The following ESRRG variants were observed in gnomAD, a reference collection of about 807,000 sequenced individuals.
The protein encoded by ESRRG is estrogen-related receptor gamma.
Under a neutral mutation model 44.0 loss-of-function variants are expected in ESRRG, and 13 were observed. That is an observed-to-expected ratio of 0.30 (90% CI 0.19 to 0.47). The LOEUF (loss-of-function observed/expected upper bound fraction) is 0.47, where lower values mean the gene tolerates loss of function less well. ESRRG is among the 20% of genes least tolerant of loss of function. ESRRG has a pLI of 1.00. For synonymous variants in ESRRG, 215 were observed against 214.6 expected, an observed-to-expected ratio of 1.00 and a Z score of -0.02; for missense variants, 395 against 580.6, an observed-to-expected ratio of 0.68 and a Z score of 3.29.
At chr1:216,717,558 G>A (rs1277833525) in intron 1 of ESRRG, among the ~76,000 whole-genome samples, 1 of 151,704 alleles carries the variant, frequency 6.6e-6, no homozygotes, top group Non-Finnish European at 1.5e-5. Context: ...TTGTTAAAAT[G>A]TTATGCAAAT....
At chr1:216,530,253 T>C (rs2048954466) in intron 5 of ESRRG, among the ~76,000 whole-genome samples, 2 of 147,404 alleles carry the variant, frequency 1.4e-5, no homozygotes, top group African/African-American at 5.0e-5. Flanking sequence ...ACTGAATAAA[T>C]TGAAATAAGC....
At chr1:216,581,001 G>A (rs752895430) in intron 3 of ESRRG, among the ~76,000 whole-genome samples, 10 of 152,182 alleles carry the variant, frequency 6.6e-5, no homozygotes, top group Admixed American at 6.5e-4. Flanking sequence ...AAAGATCAAT[G>A]TCTGTTGCAC....
intron 1 of ESRRG, among the ~76,000 whole-genome samples, chr1:217,132,701 A>G (rs2092982181): frequency 6.6e-6 from 1 of 152,032 alleles, no homozygotes; most frequent in East Asian, 1.9e-4. Context: ...TTCCACGTGC[A>G]TGGACACTCT....
chr1:216,778,044 A>T (rs2093677874), intron 2 of ESRRG, among the ~76,000 whole-genome samples: 1 of 152,198 alleles, frequency 6.6e-6, no homozygotes, highest in South Asian at 2.1e-4. Context: ...GAGTCATTTG[A>T]GTTATCTGGT....
chr1:216,849,453 A>G (rs2095808298), intron 2 of ESRRG, among the ~76,000 whole-genome samples: 1 of 152,176 alleles, frequency 6.6e-6, no homozygotes, highest in Non-Finnish European at 1.5e-5. Context: ...TATGCATTCA[A>G]AAACTATGTA....
At chr1:216,923,612 C>T (rs556210505) in intron 2 of ESRRG, among the ~76,000 whole-genome samples, 1 of 130,850 alleles carries the variant, frequency 7.6e-6, no homozygotes, top group African/African-American at 2.6e-5. Flanking sequence ...AGCAGAGGAT[C>T]AAGATCTTAT....
chr1:216,777,924 T>C (rs1007584709), intron 2 of ESRRG, among the ~76,000 whole-genome samples: 1 of 152,142 alleles, frequency 6.6e-6, no homozygotes, highest in African/African-American at 2.4e-5. Flanking sequence ...CCAGGCTTGC[T>C]ATCAACAGTC....
Position 216,748,728 on chromosome 1 carries a change from C to T in ESRRG, c.-13-71237G>A, listed in dbSNP as rs369137565. Among the ~76,000 whole-genome samples the T allele has an allele frequency of 6.6e-5, 10 of 152,264 alleles. No individual in the cohort carries two copies. The East Asian group carries it at 9.7e-4, about 15-fold the overall frequency. On this transcript the variant is annotated intron_variant, in intron 2 of 7. Transcript: ENST00000359162. ...ATCTGGAAGGATGTTGTCAGGCCAG[C>T]CAACTTTTTCAAACTCACTTAAATC...
intron 3 of ESRRG, among the ~76,000 whole-genome samples, chr1:216,611,759 A>AT (rs1311494490): frequency 3.6e-5 from 5 of 137,442 alleles, no homozygotes; most frequent in Admixed American, 3.6e-4. Context: ...AGAGGTATGT[A>AT]AAAAAAAAAA....
chr1:217,101,012 C>A (rs527660329), intron 1 of ESRRG, among the ~76,000 whole-genome samples: 83 of 152,294 alleles, frequency 5.4e-4, no homozygotes, highest in Non-Finnish European at 9.0e-4. Context: ...TCTTTGGAAC[C>A]CTTACCATTT....
intron 1 of ESRRG, among the ~76,000 whole-genome samples, chr1:216,950,125 G>C (rs899004594): frequency 6.6e-6 from 1 of 152,160 alleles, no homozygotes; most frequent in Non-Finnish European, 1.5e-5. Context: ...TACTTCTTTT[G>C]AGTTACTTCA....
chr1:216,617,791 G>A (rs1443797182), intron 3 of ESRRG, among the ~76,000 whole-genome samples: 3 of 152,078 alleles, frequency 2.0e-5, no homozygotes, highest in African/African-American at 7.2e-5. Context: ...AGAATAAAAT[G>A]TTTTTTAACA....
intron 5 of ESRRG, among the ~76,000 whole-genome samples, chr1:216,555,157 A>G (rs2057262723): frequency 6.6e-6 from 1 of 152,208 alleles, no homozygotes; most frequent in Non-Finnish European, 1.5e-5. Context: ...TGACTCAGTC[A>G]CATAAAAGAA....
intron 1 of ESRRG, among the ~76,000 whole-genome samples, chr1:217,019,987 G>A (rs539454975): frequency 1.7e-3 from 256 of 152,152 alleles, no homozygotes; most frequent in African/African-American, 5.6e-3. Flanking sequence ...TCAGGTACCC[G>A]GATAAAATGA....
chr1:216,691,907 C>A (rs1442579326), intron 1 of ESRRG, among the ~76,000 whole-genome samples: 1 of 152,120 alleles, frequency 6.6e-6, no homozygotes, highest in South Asian at 2.1e-4. Context: ...CACTTAGTGA[C>A]GTCACAGTGA....
At chr1:216,801,042 G>T (rs2094599791) in intron 2 of ESRRG, among the ~76,000 whole-genome samples, 1 of 152,044 alleles carries the variant, frequency 6.6e-6, no homozygotes, top group South Asian at 2.1e-4. Context: ...TACATATAGT[G>T]AAATGGTTAC....
At chr1:217,034,502 T>C (rs1037932922) in intron 1 of ESRRG, among the ~76,000 whole-genome samples, 14 of 152,290 alleles carry the variant, frequency 9.2e-5, no homozygotes, top group South Asian at 2.1e-4. Context: ...CAATTCAGTG[T>C]AGTTCTGAGA....
chr1:217,023,977 T>C (rs1297613104), intron 1 of ESRRG, among the ~76,000 whole-genome samples: 1 of 152,232 alleles, frequency 6.6e-6, no homozygotes, highest in East Asian at 1.9e-4. Flanking sequence ...AAATTCAAGA[T>C]ATCGTAAACC....
intron 1 of ESRRG, among the ~76,000 whole-genome samples, chr1:216,982,005 C>T (rs980655892): frequency 1.3e-5 from 2 of 152,210 alleles, no homozygotes; most frequent in Non-Finnish European, 2.9e-5. Flanking sequence ...AGCCTGAGCG[C>T]TTCGCTGCTT....
Sources: allele counts gnomAD v4.1 joint callset (sites outside exome capture counted in the v4.1 genomes callset), GRCh38; gene constraint gnomAD v4.1.1; transcripts MANE v1.5; gene names NCBI Gene and HGNC (gene_info 2026-07-23, HGNC 2026-07-21).